CHODL: variants seen among roughly 807,000 people sequenced by gnomAD.
CHODL encodes the protein transmembrane protein MT75.
In CHODL, 29 loss-of-function variants were observed where a neutral mutation model predicts 34.5. The ratio of observed to expected loss-of-function variants is 0.84; its 90% confidence interval spans 0.63 to 1.15. The LOEUF is 1.15. Among genes scored for constraint, CHODL ranks in the 50% most tolerant of loss-of-function variants. The probability of loss-of-function intolerance (pLI) is 0.00; values close to 1 mark genes in which losing one functional copy is unlikely to be tolerated. For synonymous variants in CHODL, 125 were observed against 116.1 expected (o/e 1.08, Z -0.49); for missense variants, 332 against 332.5 (o/e 1.00, Z 0.01).
chr21:18,246,101 T>G, intron 1 of CHODL: 1 of 674,826 alleles, frequency 1.5e-6, no homozygotes, highest in African/African-American at 1.8e-5. Flanking sequence ...ATATTGCAAT[T>G]ACTCTCCCTT....
At chr21:17,987,478 A>T (rs1035798207) in intron 1 of CHODL, among the ~76,000 whole-genome samples, 2 of 152,198 alleles carry the variant, frequency 1.3e-5, no homozygotes, top group African/African-American at 4.8e-5. Context: ...ATCACTTTCA[A>T]ACTGCTACCT....
chr21:18,193,504 C>T (rs73316219), intron 2 of CHODL, among the ~76,000 whole-genome samples: 15,483 of 151,308 alleles, frequency 0.1, 1,025 homozygotes, highest in East Asian at 0.22. Context: ...GACCATCCTG[C>T]CCAACATGGT....
intron 1 of CHODL, among the ~76,000 whole-genome samples, chr21:17,935,919 G>A (rs555598639): frequency 2.0e-5 from 3 of 152,184 alleles, no homozygotes; most frequent in Non-Finnish European, 2.9e-5. Flanking sequence ...AGTGATGAGT[G>A]CCACATCTAA....
intron 2 of CHODL, among the ~76,000 whole-genome samples, chr21:18,213,661 G>A (rs575837613): frequency 6.6e-6 from 1 of 152,178 alleles, no homozygotes; most frequent in South Asian, 2.1e-4. Flanking sequence ...AATAAGACTA[G>A]ATACTAAGAA....
intron 1 of CHODL, among the ~76,000 whole-genome samples, chr21:17,927,406 G>A (rs896710418): frequency 3.3e-5 from 5 of 152,096 alleles, no homozygotes; most frequent in South Asian, 2.1e-4. Context: ...GGCTTGCTAC[G>A]TGCTGTTCTT....
intron 4 of CHODL, among the ~76,000 whole-genome samples, chr21:18,260,655 A>C (rs964979890): frequency 1.3e-5 from 2 of 151,996 alleles, no homozygotes; most frequent in Admixed American, 6.6e-5. Flanking sequence ...TCTGCAAAAA[A>C]TACAAAAAAC....
At position 18,037,966 on chromosome 21, in the gene CHODL, C is replaced by T. The variant is rs550354055; in HGVS notation, c.-45+9995C>T. On this transcript the variant is annotated intron_variant, in intron 2 of 6. Transcript: ENST00000400127. Reference sequence around the variant, plus strand: ...TTTCCCTGCACATAATGTTTTTTTCCGTGCTTTTAAGACTTCCTCTTTATA... The same window carrying T: ...TTTCCCTGCACATAATGTTTTTTTCTGTGCTTTTAAGACTTCCTCTTTATA... Among the ~76,000 whole-genome samples the T allele has an allele frequency of 3.4e-4, 52 of 151,686 alleles. No homozygotes were observed. The South Asian group carries it at 8.7e-3, about 25-fold the overall frequency.
rs914677988 is a variant in CHODL at position 18,203,267 on chromosome 21, C to T, written c.-44-53242C>T. On this transcript the variant is annotated intron_variant, in intron 2 of 6. Transcript: ENST00000400127. Reference sequence around the variant, plus strand: ...TAGGAACCATTTGAGTATTCACTAGCTTTTGACATATGAGGAAGATGTCAG... The same window carrying T: ...TAGGAACCATTTGAGTATTCACTAGTTTTTGACATATGAGGAAGATGTCAG... Among the ~76,000 whole-genome samples, 12 of 152,092 alleles carry T rather than the reference C, an allele frequency of 7.9e-5. No individual in the cohort carries two copies. In the East Asian group the frequency reaches 2.3e-3, roughly 29 times the overall value.
At chr21:18,035,267 T>C (rs931774536) in intron 2 of CHODL, among the ~76,000 whole-genome samples, 3 of 152,000 alleles carry the variant, frequency 2.0e-5, no homozygotes, top group Non-Finnish European at 4.4e-5. Flanking sequence ...AGGTTGTGAG[T>C]TTTCTTTCTT....
intron 1 of CHODL, among the ~76,000 whole-genome samples, chr21:17,977,646 C>A (rs1324288372): frequency 1.3e-5 from 2 of 148,190 alleles, no homozygotes; most frequent in African/African-American, 2.5e-5. Flanking sequence ...AGGTGTGAAT[C>A]ACCGTGCCAG....
intron 2 of CHODL, among the ~76,000 whole-genome samples, chr21:18,083,995 C>T (rs762613602): frequency 5.3e-5 from 8 of 152,120 alleles, no homozygotes; most frequent in Non-Finnish European, 8.8e-5. Context: ...AATGTGGTTT[C>T]GCTCTGTGTC....
intron 1 of CHODL, among the ~76,000 whole-genome samples, chr21:17,946,335 C>T (rs60232659): frequency 0.018 from 2,672 of 152,218 alleles, 73 homozygotes; most frequent in African/African-American, 0.06. Flanking sequence ...AGGAGAATGG[C>T]GTGAACCCCC....
At chr21:18,221,415 A>G (rs939575614) in intron 2 of CHODL, among the ~76,000 whole-genome samples, 54 of 152,092 alleles carry the variant, frequency 3.6e-4, no homozygotes, top group African/African-American at 1.3e-3. Flanking sequence ...TTACTGAAAA[A>G]CTATTGTGTT....
Position 18,256,633 on chromosome 21 carries a change from C to G in CHODL, c.204C>G (p.Leu68=). Residue 68 remains leucine, a synonymous_variant, in exon 2 of 6, where the codon CTC becomes CTG. Transcript: ENST00000299295. ...RLACESEGGV[L]LSLENEAEQK... is the part of the protein sequence containing the mutation. ...CTTGTGAGAGTGAGGGAGGAGTCCT[C>G]CTCAGCCTTGAGAATGAAGCAGAAC... 1 of 1,613,984 alleles carries G rather than the reference C, an allele frequency of 6.2e-7. No individual in the cohort carries two copies. The highest frequency in any genetic ancestry group is 8.5e-7 in the Non-Finnish European group (1 of 1,180,008).
At chr21:18,203,121 A>G (rs990944024) in intron 2 of CHODL, among the ~76,000 whole-genome samples, 3 of 152,182 alleles carry the variant, frequency 2.0e-5, no homozygotes, top group African/African-American at 7.2e-5. Flanking sequence ...AAAATTATTC[A>G]CTTACATTAT....
chr21:18,044,088 T>C (rs933659872), intron 2 of CHODL, among the ~76,000 whole-genome samples: 1 of 152,042 alleles, frequency 6.6e-6, no homozygotes, highest in Admixed American at 6.6e-5. Context: ...TCTTTTCCTT[T>C]CAGTCCTTTT....
At chr21:18,201,398 C>T (rs1008257928) in intron 2 of CHODL, among the ~76,000 whole-genome samples, 1 of 151,906 alleles carries the variant, frequency 6.6e-6, no homozygotes, top group Non-Finnish European at 1.5e-5. Context: ...CAAAATGTAG[C>T]CTCATTATAT....
At chr21:18,003,919 C>G (rs1045816633) in intron 1 of CHODL, among the ~76,000 whole-genome samples, 3 of 152,100 alleles carry the variant, frequency 2.0e-5, no homozygotes, top group Non-Finnish European at 4.4e-5. Flanking sequence ...GAATAATTCT[C>G]ATTATATATT....
At chr21:18,134,448 C>G in intron 2 of CHODL, 4 of 470,574 alleles carry the variant, frequency 8.5e-6, no homozygotes, top group South Asian at 6.1e-5. Flanking sequence ...GCTCATCTTT[C>G]TTTGCTCCTT....
Sources: allele counts gnomAD v4.1 joint callset (sites outside exome capture counted in the v4.1 genomes callset), GRCh38; gene constraint gnomAD v4.1.1; transcripts MANE v1.5; gene names NCBI Gene and HGNC (gene_info 2026-07-23, HGNC 2026-07-21).